Variants in OR5D3 observed in about 807,000 individuals in gnomAD.
The protein encoded by OR5D3 is olfactory receptor family 5 subfamily D member 3.
the OR5D3 span, chr11:55,728,203 A>G: frequency 6.6e-6 from 1 of 151,992 alleles, no homozygotes. Context: ...CCAAAAATAA[A>G]AGCATACTTA....
chr11:55,724,176 A>G, the OR5D3 span: 1 of 386,514 alleles, frequency 2.6e-6, no homozygotes, highest in Non-Finnish European at 4.6e-6. Flanking sequence ...TAGTTCATTC[A>G]ACAAGCAGAG....
At chr11:55,726,559 G>T in the OR5D3 span, 2 of 408,868 alleles carry the variant, frequency 4.9e-6, no homozygotes, top group Non-Finnish European at 8.7e-6. Flanking sequence ...ATTCATGCTG[G>T]CAGCGATGGC....
At chr11:55,724,115 T>A in the OR5D3 span, 3 of 396,124 alleles carry the variant, frequency 7.6e-6, no homozygotes, top group Non-Finnish European at 8.9e-6. Flanking sequence ...GTTCCGGTAA[T>A]CTTAGTACCA....
chr11:55,726,081 A>T, the OR5D3 span: 1 of 396,506 alleles, frequency 2.5e-6, no homozygotes, highest in Non-Finnish European at 4.4e-6. Context: ...ATAATTTGAC[A>T]GTGGAAACCT....
the OR5D3 span, chr11:55,726,124 A>G: frequency 2.5e-6 from 1 of 397,188 alleles, no homozygotes; most frequent in South Asian, 1.4e-4. Context: ...ATAAAGACCC[A>G]CTAAGTCTCT....
chr11:55,727,223 C>T, the OR5D3 span: 5 of 397,122 alleles, frequency 1.3e-5, no homozygotes, highest in Non-Finnish European at 2.2e-5. Flanking sequence ...CTAGTCATTG[C>T]ATGAAATTAT....
At chr11:55,724,017 C>T in the OR5D3 span, 1 of 397,912 alleles carries the variant, frequency 2.5e-6, no homozygotes, top group Non-Finnish European at 4.4e-6. Context: ...GCAAAAGATC[C>T]TTCAGTAAAT....
the OR5D3 span, chr11:55,727,003 T>A: frequency 7.5e-6 from 3 of 400,648 alleles, no homozygotes; most frequent in Middle Eastern, 5.7e-4. Flanking sequence ...TGTTCCTAAC[T>A]CCAAAAGTTC....
the OR5D3 span, chr11:55,723,988 T>C: frequency 2.5e-6 from 1 of 398,068 alleles, no homozygotes; most frequent in Non-Finnish European, 4.4e-6. Context: ...GGGAGCATTA[T>C]TGGAGTTCGT....
At chr11:55,729,016 T>A in the OR5D3 span, 1 of 152,100 alleles carries the variant, frequency 6.6e-6, no homozygotes, top group African/African-American at 2.4e-5. Flanking sequence ...TATACTATTT[T>A]TAAATATTGT....
At chr11:55,727,412 A>G in the OR5D3 span, 1 of 244,466 alleles carries the variant, frequency 4.1e-6, no homozygotes, top group Admixed American at 5.5e-5. Flanking sequence ...GTCCAGGTCA[A>G]ATTTCAGTTC....
the OR5D3 span, chr11:55,728,146 T>C: frequency 0.17 from 26,476 of 151,952 alleles, 2,718 homozygotes; most frequent in African/African-American, 0.27. Context: ...TTCTTTGGAC[T>C]CTTTGGCTGA....
At chr11:55,724,356 T>C in the OR5D3 span, among the ~76,000 whole-genome samples, 1 of 152,062 alleles carries the variant, frequency 6.6e-6, no homozygotes, top group Admixed American at 6.5e-5. Flanking sequence ...TCTGAGGAGA[T>C]AAGCGAGACT....
the OR5D3 span, chr11:55,726,164 C>T: frequency 2.5e-6 from 1 of 398,134 alleles, no homozygotes; most frequent in South Asian, 1.3e-4. Context: ...TTTCTTATTG[C>T]ACATATTGGC....
the OR5D3 span, chr11:55,728,023 A>G: frequency 2.0e-4 from 31 of 152,204 alleles, 1 homozygote; most frequent in African/African-American, 7.0e-4. Flanking sequence ...ATCCTTTCAA[A>G]TAAGTGACTT....
the OR5D3 span, among the ~76,000 whole-genome samples, chr11:55,725,998 G>GT: frequency 6.6e-6 from 1 of 151,666 alleles, no homozygotes; most frequent in South Asian, 2.1e-4. Flanking sequence ...TCTTAATTTT[G>GT]TTTTTTATTA....
the OR5D3 span, chr11:55,726,621 G>C: frequency 9.5e-5 from 38 of 401,630 alleles, no homozygotes; most frequent in Middle Eastern, 4.5e-4. Flanking sequence ...CAGTTGCAAT[G>C]TCCCAGAGGC....
At chr11:55,728,493 G>T in the OR5D3 span, 2 of 152,006 alleles carry the variant, frequency 1.3e-5, no homozygotes, top group Non-Finnish European at 2.9e-5. Flanking sequence ...TCAAATAATT[G>T]AAATAATTTG....
At chr11:55,724,931 T>C in the OR5D3 span, among the ~76,000 whole-genome samples, 1 of 151,976 alleles carries the variant, frequency 6.6e-6, no homozygotes, top group Non-Finnish European at 1.5e-5. Context: ...TATTGTGTAA[T>C]GGAAAAACAT....
Sources: gnomAD v4.1 joint callset for allele counts (sites outside exome capture counted in the v4.1 genomes callset) on GRCh38, gnomAD v4.1.1 for gene constraint, MANE v1.5 for transcripts, NCBI Gene and HGNC (gene_info 2026-07-23, HGNC 2026-07-21) for gene names.